EYA2: variants seen among roughly 807,000 people sequenced by gnomAD.
The protein encoded by EYA2 is protein phosphatase EYA2.
A neutral mutation model predicts 69.2 loss-of-function variants in EYA2; 31 were observed. The observed-to-expected ratio is 0.45, with a 90% CI of 0.34 to 0.60. The LOEUF is 0.60. Ranked by LOEUF, EYA2 falls within the 20% of genes least tolerant of loss-of-function variation. EYA2 has a pLI of 0.02. For synonymous variants in EYA2, 257 were observed against 279.4 expected, an observed-to-expected ratio of 0.92 and a Z score of 0.80; for missense variants, 622 against 701.2, an observed-to-expected ratio of 0.89 and a Z score of 1.28.
chr20:47,178,655 C>T (rs909804618), intron 12 of EYA2, among the ~76,000 whole-genome samples: 1 of 152,058 alleles, frequency 6.6e-6, no homozygotes. Flanking sequence ...GCCTGGGTGC[C>T]GGACCTGTGT....
chr20:46,990,594 A>G (rs2146328955), intron 2 of EYA2, among the ~76,000 whole-genome samples: 1 of 152,340 alleles, frequency 6.6e-6, no homozygotes, highest in South Asian at 2.1e-4. Flanking sequence ...AGCAGAGAAG[A>G]ATTAAAGTTG....
At chr20:46,986,646 C>T (rs1007796733) in intron 1 of EYA2, among the ~76,000 whole-genome samples, 1 of 151,944 alleles carries the variant, frequency 6.6e-6, no homozygotes, top group Non-Finnish European at 1.5e-5. Flanking sequence ...GTATCTGTTC[C>T]GCTTCTGGTG....
chr20:46,901,844 C>T (rs1194097616), intron 1 of EYA2: 1 of 152,180 alleles, frequency 6.6e-6, no homozygotes, highest in Non-Finnish European at 1.5e-5. Context: ...GAGTTTTAGC[C>T]CCGTCCAGAC....
chr20:47,039,428 G>A (rs548636165), intron 5 of EYA2, among the ~76,000 whole-genome samples: 1 of 152,294 alleles, frequency 6.6e-6, no homozygotes, highest in East Asian at 1.9e-4. Context: ...TATCACAAAG[G>A]CAGAACTGGG....
intron 4 of EYA2, 21 bp from the exon 5 acceptor site, chr20:47,016,160 T>C (rs1267003811): frequency 1.3e-6 from 2 of 1,580,080 alleles, no homozygotes; most frequent in African/African-American, 2.7e-5. Context: ...GGTCCTTTTT[T>C]TTCCCCCTCT....
chr20:47,153,078 C>G (rs150147366), intron 10 of EYA2, among the ~76,000 whole-genome samples: 3 of 151,938 alleles, frequency 2.0e-5, no homozygotes, highest in Non-Finnish European at 2.9e-5. Context: ...AATTGTCCCA[C>G]CCAAATGCCC....
chr20:47,147,625 A>T (rs2033729221), intron 10 of EYA2, among the ~76,000 whole-genome samples: 1 of 152,208 alleles, frequency 6.6e-6, no homozygotes, highest in African/African-American at 2.4e-5. Context: ...TTGGAACAAC[A>T]TGATGTGACT....
intron 9 of EYA2, among the ~76,000 whole-genome samples, chr20:47,099,232 C>G (rs956763653): frequency 6.6e-6 from 1 of 152,374 alleles, no homozygotes; most frequent in East Asian, 1.9e-4. Context: ...TGTCTCCTTG[C>G]ACTTCTGGCC....
At chr20:47,106,948 A>C (rs143347762) in intron 9 of EYA2, among the ~76,000 whole-genome samples, 6 of 152,078 alleles carry the variant, frequency 3.9e-5, no homozygotes, top group Non-Finnish European at 8.8e-5. Context: ...AGCGAACTGG[A>C]GTAGAAGGGA....
intron 10 of EYA2, among the ~76,000 whole-genome samples, chr20:47,153,727 T>C (rs1420464746): frequency 6.6e-6 from 1 of 151,714 alleles, no homozygotes; most frequent in Non-Finnish European, 1.5e-5. Context: ...AGGTGCGACA[T>C]GAAGGAGCAT....
intron 9 of EYA2, among the ~76,000 whole-genome samples, chr20:47,110,661 C>G (rs905557850): frequency 1.1e-4 from 17 of 152,354 alleles, no homozygotes; most frequent in African/African-American, 4.1e-4. Flanking sequence ...GATGTGTTCA[C>G]AGCTTTATCC....
chr20:47,173,907 A>G (rs1359484692), intron 12 of EYA2, among the ~76,000 whole-genome samples: 5 of 152,188 alleles, frequency 3.3e-5, no homozygotes, highest in African/African-American at 1.2e-4. Context: ...GGGGAATTCT[A>G]AGTGCAGCCA....
At chr20:47,109,215 T>G (rs889681602) in intron 9 of EYA2, among the ~76,000 whole-genome samples, 1 of 152,124 alleles carries the variant, frequency 6.6e-6, no homozygotes, top group African/African-American at 2.4e-5. Flanking sequence ...CTGAACAAAT[T>G]CCTCAAGCTT....
At chr20:47,067,016 C>A (rs1034027828) in intron 5 of EYA2, among the ~76,000 whole-genome samples, 9 of 152,204 alleles carry the variant, frequency 5.9e-5, no homozygotes, top group African/African-American at 2.2e-4. Context: ...GGATGGATTT[C>A]TCACTGCAGG....
At chr20:47,074,402 G>A (rs1003439874) in intron 7 of EYA2, 67 bp downstream of exon 7, 132 of 1,492,732 alleles carry the variant, frequency 8.8e-5, no homozygotes, top group African/African-American at 4.0e-4. Context: ...GGAGGGACCC[G>A]CACATGGGTC....
intron 1 of EYA2, among the ~76,000 whole-genome samples, chr20:46,905,428 A>G (rs141537357): frequency 2.4e-3 from 359 of 152,342 alleles, no homozygotes; most frequent in African/African-American, 8.5e-3. Flanking sequence ...TTACATTTCA[A>G]TAGCATCCTT....
chr20:47,023,938 G>A (rs1192460493), intron 5 of EYA2, among the ~76,000 whole-genome samples: 1 of 152,070 alleles, frequency 6.6e-6, no homozygotes, highest in South Asian at 2.1e-4. Flanking sequence ...CCCAGCCTGG[G>A]TCTTTTTCTG....
At chr20:47,073,047 T>C (rs755411773) in intron 6 of EYA2, among the ~76,000 whole-genome samples, 3 of 152,224 alleles carry the variant, frequency 2.0e-5, no homozygotes, top group Non-Finnish European at 4.4e-5. Context: ...TACTTATAAA[T>C]AAAACAGTAC....
rs368325056 is a variant in EYA2, at chr20:46,946,770, T to G, written c.-10-43231T>G. On this transcript the variant is annotated intron_variant, in intron 1 of 15. Coordinates refer to ENST00000327619, the MANE Select transcript of EYA2 (RefSeq NM_005244.5). Reference sequence around the variant, plus strand: ...GGCCCATGGGCCATAGTTTACTGACTGCCCCCTCCCCACCCACCCAACGTA... The same window carrying G: ...GGCCCATGGGCCATAGTTTACTGACGGCCCCCTCCCCACCCACCCAACGTA... Among the ~76,000 whole-genome samples, 53 of 152,270 alleles carry G rather than the reference T, an allele frequency of 3.5e-4. 1 individual carries two copies. The East Asian group carries it at 8.1e-3, about 23-fold the overall frequency.
Sources: gnomAD v4.1 joint callset for allele counts (sites outside exome capture counted in the v4.1 genomes callset) on GRCh38, gnomAD v4.1.1 for gene constraint, MANE v1.5 for transcripts, NCBI Gene and HGNC (gene_info 2026-07-23, HGNC 2026-07-21) for gene names.